Variants in TRERF1 observed in about 807,000 individuals in gnomAD.
TRERF1 encodes the protein transcriptional-regulating factor 1.
In TRERF1, 27 loss-of-function variants were observed where a neutral mutation model predicts 122.9. The observed-to-expected ratio is 0.22, with a 90% CI of 0.16 to 0.30. TRERF1 has a LOEUF of 0.30. TRERF1 is among the 10% of genes least tolerant of loss of function. The pLI, the probability that TRERF1 is intolerant of heterozygous loss-of-function variation, is 1.00. For synonymous variants in TRERF1, 636 were observed against 641.7 expected (o/e 0.99, Z 0.13); for missense variants, 1,248 against 1,560.3 (o/e 0.80, Z 3.37).
At chr6:42,426,630 A>G (rs1783669307) in intron 2 of TRERF1, among the ~76,000 whole-genome samples, 1 of 152,244 alleles carries the variant, frequency 6.6e-6, no homozygotes, top group Admixed American at 6.5e-5. Flanking sequence ...CCGTCAGACC[A>G]GGGATCAGCA....
At chr6:42,381,575 T>C (rs190717903) in intron 2 of TRERF1, among the ~76,000 whole-genome samples, 126 of 152,012 alleles carry the variant, frequency 8.3e-4, no homozygotes, top group Admixed American at 2.7e-3. Flanking sequence ...TGAGCTGAAA[T>C]GCACCTTGAG....
At chr6:42,238,521 G>T (rs7742481) in intron 15 of TRERF1, among the ~76,000 whole-genome samples, 5 of 152,082 alleles carry the variant, frequency 3.3e-5, no homozygotes, top group African/African-American at 1.2e-4. Context: ...CAACAAGTTG[G>T]TCATTTTATG....
intron 3 of TRERF1, among the ~76,000 whole-genome samples, chr6:42,328,471 A>AT (rs1043952003): frequency 1.6e-4 from 24 of 152,142 alleles, no homozygotes; most frequent in Admixed American, 1.2e-3. Flanking sequence ...GGCAATAGTT[A>AT]TTTTTTCTGC....
At chr6:42,260,322 T>TC (rs1222461791) in intron 8 of TRERF1, among the ~76,000 whole-genome samples, 1 of 151,716 alleles carries the variant, frequency 6.6e-6, no homozygotes, top group Non-Finnish European at 1.5e-5. Context: ...CTGGTTAACC[T>TC]CCCCCGTCAC....
intron 3 of TRERF1, among the ~76,000 whole-genome samples, chr6:42,322,427 G>A (rs949049318): frequency 2.0e-5 from 3 of 152,072 alleles, no homozygotes; most frequent in African/African-American, 7.2e-5. Context: ...GGGGCCAGGA[G>A]ACTAATTTTT....
At chr6:42,364,178 G>T (rs897791199) in intron 2 of TRERF1, among the ~76,000 whole-genome samples, 2 of 152,028 alleles carry the variant, frequency 1.3e-5, no homozygotes, top group African/African-American at 4.8e-5. Context: ...AGCCACAATG[G>T]CTTCCTCAAA....
chr6:42,325,548 T>C (rs1180882143), intron 3 of TRERF1, among the ~76,000 whole-genome samples: 2 of 152,126 alleles, frequency 1.3e-5, no homozygotes, highest in Admixed American at 6.5e-5. Flanking sequence ...ATGTGGCACA[T>C]ATATGCCATG....
At chr6:42,328,159 T>C (rs974311457) in intron 3 of TRERF1, among the ~76,000 whole-genome samples, 4 of 151,714 alleles carry the variant, frequency 2.6e-5, no homozygotes, top group Non-Finnish European at 5.9e-5. Flanking sequence ...AGGTGCACGC[T>C]ACCATGCCCA....
intron 2 of TRERF1, among the ~76,000 whole-genome samples, chr6:42,374,145 A>G (rs548997559): frequency 6.9e-6 from 1 of 145,868 alleles, no homozygotes; most frequent in African/African-American, 2.6e-5. Flanking sequence ...TTTAAAAAAA[A>G]AAAAAAAGAA....
intron 3 of TRERF1, among the ~76,000 whole-genome samples, chr6:42,302,831 AC>A (rs1276010918): frequency 5.3e-5 from 8 of 152,252 alleles, no homozygotes; most frequent in African/African-American, 1.9e-4. Flanking sequence ...CACCATCCTA[AC>A]CCTCTATGTA....
chr6:42,339,325 T>C (rs1253074018), intron 3 of TRERF1, among the ~76,000 whole-genome samples: 3 of 152,246 alleles, frequency 2.0e-5, no homozygotes, highest in Non-Finnish European at 4.4e-5. Context: ...GCCTATTTAC[T>C]GTTTCCATCA....
chr6:42,349,374 A>G (rs1193794812), intron 3 of TRERF1, among the ~76,000 whole-genome samples: 1 of 151,996 alleles, frequency 6.6e-6, no homozygotes, highest in African/African-American at 2.4e-5. Context: ...AGATTGTTCA[A>G]CCACATAGGC....
At chr6:42,449,987 G>A (rs1788181697) in intron 2 of TRERF1, among the ~76,000 whole-genome samples, 1 of 152,168 alleles carries the variant, frequency 6.6e-6, no homozygotes. Context: ...GGTTGGACCC[G>A]AGATGCTAAA....
At chr6:42,367,698 C>T (rs562816033) in intron 2 of TRERF1, among the ~76,000 whole-genome samples, 2 of 152,270 alleles carry the variant, frequency 1.3e-5, no homozygotes, top group African/African-American at 4.8e-5. Flanking sequence ...CTCTGCTCAC[C>T]CCCTCCTGCT....
intron 2 of TRERF1, among the ~76,000 whole-genome samples, chr6:42,389,033 C>T (rs1046984016): frequency 6.6e-6 from 1 of 151,990 alleles, no homozygotes; most frequent in African/African-American, 2.4e-5. Flanking sequence ...TCAGAGCAGG[C>T]CTTAAACACA....
At chr6:42,374,218 C>T (rs1179832346) in intron 2 of TRERF1, among the ~76,000 whole-genome samples, 1 of 151,968 alleles carries the variant, frequency 6.6e-6, no homozygotes, top group Non-Finnish European at 1.5e-5. Context: ...CCCAGGCAGC[C>T]GGGGGCGGGT....
chr6:42,235,167 C>T (rs935498736), intron 16 of TRERF1, among the ~76,000 whole-genome samples: 3 of 151,920 alleles, frequency 2.0e-5, no homozygotes, highest in Admixed American at 2.0e-4. Flanking sequence ...AAGACTGTTG[C>T]TTTCTCCATC....
intron 2 of TRERF1, among the ~76,000 whole-genome samples, chr6:42,421,429 CT>C (rs1333602132): frequency 6.6e-6 from 1 of 152,022 alleles, no homozygotes; most frequent in African/African-American, 2.4e-5. Flanking sequence ...TCCACTCAGA[CT>C]TTTTTTTCCC....
chr6:42,265,560 C>G lies in TRERF1; in HGVS notation c.1484+191G>C, dbSNP rs535368445. Among the ~76,000 whole-genome samples the G allele has an allele frequency of 2.6e-5, 4 of 152,306 alleles. No individual in the cohort carries two copies. In the East Asian group the frequency reaches 7.7e-4, roughly 29 times the overall value. ...TAGGCACATCGTAATCACACCCACCCTCATAGGTTACTTTACTATACATAA... is the reference window on the plus strand; with the variant it reads ...TAGGCACATCGTAATCACACCCACCGTCATAGGTTACTTTACTATACATAA... On this transcript the variant is annotated intron_variant, in intron 6 of 17. Transcript: ENST00000372922.
Sources: allele counts gnomAD v4.1 joint callset (sites outside exome capture counted in the v4.1 genomes callset), GRCh38; gene constraint gnomAD v4.1.1; transcripts MANE v1.5; gene names NCBI Gene and HGNC (gene_info 2026-07-23, HGNC 2026-07-21).